RPS25: variants seen among roughly 807,000 people sequenced by gnomAD.
The protein encoded by RPS25 is small ribosomal subunit protein eS25.
A neutral mutation model predicts 14.4 loss-of-function variants in RPS25; 1 was observed. The ratio of observed to expected loss-of-function variants is 0.07; its 90% CI spans 0.02 to 0.33. RPS25 has a LOEUF of 0.33. RPS25 is among the 10% of genes least tolerant of loss of function. RPS25 has a pLI of 1.00. For missense variants in RPS25, 65 were observed against 144.6 expected (o/e 0.45, Z 2.82); for synonymous variants, 63 against 53.8 (o/e 1.17, Z -0.75).
chr11:119,018,322 C>G lies in RPS25; in HGVS notation c.-38G>C. The G allele has an allele frequency of 1.2e-6, 2 of 1,614,090 alleles. No individual in the cohort carries two copies. Among genetic ancestry groups the G allele is most frequent in the Non-Finnish European group, 1.7e-6 (2 of 1,180,008 alleles). On this transcript the variant is annotated 5_prime_UTR_variant, in exon 1 of 5. Coordinates refer to ENST00000527673, the MANE Select transcript of RPS25 (RefSeq NM_001028.3). ...AGAATAGCAGCAGACACCGCAGCCT[C>G]GTCAAGATGTCGGACAAAAAGGAAG...
chr11:119,015,747 A>G lies in RPS25; in HGVS notation c.*16T>C. 1 of 1,251,402 alleles carries G rather than the reference A, an allele frequency of 8.0e-7. No individual in the cohort carries two copies. Among genetic ancestry groups the G allele is most frequent in the Non-Finnish European group, 1.2e-6 (1 of 867,012 alleles). The allele number at this position is 1,251,402 out of a possible 1,614,324, so 77.5% of individuals were successfully genotyped here. A position where few individuals can be genotyped will look rare whatever the true frequency, so the allele number is the denominator to read the frequency against. ...TAAAGTTTTATTTTTCCAAATGTAC[A>G]GCTGGTTGGACCTGTAAAAAAAAAT... On this transcript the variant is annotated 3_prime_UTR_variant, in exon 5 of 5. Coordinates refer to ENST00000527673, the MANE Select transcript of RPS25 (RefSeq NM_001028.3).
intron 3 of RPS25, among the ~76,000 whole-genome samples, chr11:119,016,922 T>C (rs1359304041): frequency 6.6e-6 from 1 of 152,104 alleles, no homozygotes; most frequent in Non-Finnish European, 1.5e-5. Context: ...TATAGTTAGC[T>C]GAGCCTTATT....
chr11:119,016,629 C>T (rs578201587), intron 3 of RPS25, among the ~76,000 whole-genome samples: 9 of 146,070 alleles, frequency 6.2e-5, no homozygotes, highest in African/African-American at 2.2e-4. Context: ...GCTCCATTAT[C>T]TTCCACCCCC....
In RPS25 at chr11:119,015,953, A is replaced by T. The variant is rs781968974; in HGVS notation, c.284-14T>A. 6.7e-7 allele frequency: 1 copy of T among 1,487,862 alleles called. No homozygotes were observed. Among genetic ancestry groups the T allele is most frequent in the South Asian group, 1.1e-5 (1 of 88,518 alleles). The allele number at this position is 1,487,862 out of a possible 1,614,324, so 92.2% of individuals were successfully genotyped here. A position where few individuals can be genotyped will look rare whatever the true frequency, so the allele number is the denominator to read the frequency against. ...GTTTGATAAGTCCTAGGGGGAGAGA[A>T]TAGCACGATGAGATGCTTAACAGAT... On this transcript the variant is annotated splice_polypyrimidine_tract_variant and intron_variant, in intron 3 of 4. Transcript: ENST00000527673.
chr11:119,017,230 A>G (rs1943184672), intron 3 of RPS25, 132 bp downstream of exon 3: 1 of 645,800 alleles, frequency 1.5e-6, no homozygotes, highest in East Asian at 2.9e-5. Flanking sequence ...TCAGAATTAC[A>G]TTACTAACAG....
intron 3 of RPS25, among the ~76,000 whole-genome samples, 185 bp downstream of exon 3, chr11:119,017,177 G>T (rs3916581): frequency 0.22 from 34,138 of 151,902 alleles, 4,022 homozygotes; most frequent in South Asian, 0.33. Context: ...CACAAAAGTG[G>T]CTAAGAACCC....
At chr11:119,017,877 C>T (rs1374626935) in intron 2 of RPS25, 81 bp downstream of exon 2, 6 of 1,120,328 alleles carry the variant, frequency 5.4e-6, no homozygotes, top group Admixed American at 3.7e-5. Flanking sequence ...CCTGAAAAAC[C>T]ACTTACTATA....
intron 3 of RPS25, among the ~76,000 whole-genome samples, 166 bp downstream of exon 3, chr11:119,017,196 C>T (rs1375868411): frequency 6.6e-6 from 1 of 152,164 alleles, no homozygotes; most frequent in Non-Finnish European, 1.5e-5. Context: ...CCTGAGAATT[C>T]ATCTCAGGAT....
Position 119,017,555 on chromosome 11 carries a change from A to G in RPS25, c.100-10T>C. The G allele has an allele frequency of 4.4e-6, 7 of 1,608,862 alleles. No homozygotes were observed. The highest frequency in any genetic ancestry group is 5.9e-6 in the Non-Finnish European group (7 of 1,176,536). On this transcript the variant is annotated splice_polypyrimidine_tract_variant and intron_variant, in intron 2 of 4. Transcript: ENST00000527673. Reference sequence around the variant, plus strand: ...TGCCTTTGGACCACTTCTGCTCACCAAAACAAAACAGAAACAAGTTAGTAT... The same window carrying G: ...TGCCTTTGGACCACTTCTGCTCACCGAAACAAAACAGAAACAAGTTAGTAT...
chr11:119,017,463 T>C lies in RPS25; in HGVS notation c.182A>G (p.Glu61Gly), dbSNP rs901128269. Residue 61 changes from glutamate to glycine, a missense_variant, in exon 3 of 5, where the codon GAA (glutamate) becomes GGA (glycine). By Grantham distance (98) the Glu-to-Gly change is moderately conservative. Coordinates refer to ENST00000527673, the MANE Select transcript of RPS25 (RefSeq NM_001028.3). ...GGTTATAAGTTTATAGTTGGGAACT[T>C]CCTTACAGAGTTTATCATAGGTAGC... ...DKATYDKLCK[E>G]VPNYKLITPA... 1.2e-5 allele frequency: 19 copies of C among 1,613,990 alleles called. No homozygotes were observed. The highest frequency in any genetic ancestry group is 2.7e-5 in the African/African-American group (2 of 74,908).
rs782700099 is a variant in RPS25 at position 119,018,329 on chromosome 11, A to C, written c.-45T>G. On this transcript the variant is annotated 5_prime_UTR_variant, in exon 1 of 5. Transcript: ENST00000527673. ...CAGCAGACACCGCAGCCTCGTCAAGATGTCGGACAAAAAGGAAGCGCTGCT... is the reference window on the plus strand; with the variant it reads ...CAGCAGACACCGCAGCCTCGTCAAGCTGTCGGACAAAAAGGAAGCGCTGCT... 4.3e-6 allele frequency: 7 copies of C among 1,613,848 alleles called. No individual in the cohort carries two copies. In the Admixed American group the frequency reaches 5.0e-5, roughly 12 times the overall value.
chr11:119,018,096 G>C (rs1375487580), intron 1 of RPS25, 43 bp from the exon 2 acceptor site: 1 of 1,590,188 alleles, frequency 6.3e-7, no homozygotes, highest in East Asian at 2.2e-5. Flanking sequence ...CTCAAATAGC[G>C]CCAAAGTCCC....
chr11:119,016,017 G>T, intron 3 of RPS25, 78 bp from the exon 4 acceptor site: 1 of 885,374 alleles, frequency 1.1e-6, no homozygotes, highest in African/African-American at 1.6e-5. Context: ...GCTGGGCGCG[G>T]TGGCTCATGC....
At chr11:119,016,132 AC>A (rs1414369427) in intron 3 of RPS25, among the ~76,000 whole-genome samples, 193 bp from the exon 4 acceptor site, 1 of 152,168 alleles carries the variant, frequency 6.6e-6, no homozygotes, top group Non-Finnish European at 1.5e-5. Context: ...TACCAAAAAT[AC>A]AAAAATTAGC....
chr11:119,018,343 G>C lies in RPS25; in HGVS notation c.-59C>G, dbSNP rs552955250. 2.5e-6 allele frequency: 4 copies of C among 1,613,044 alleles called. No homozygotes were observed. The highest frequency in any genetic ancestry group is 2.2e-5 in the East Asian group (1 of 44,864). On this transcript the variant is annotated 5_prime_UTR_variant, in exon 1 of 5. Transcript: ENST00000527673. ...GCCTCGTCAAGATGTCGGACAAAAA[G>C]GAAGCGCTGCTCAGAAACGGGCCCA... is the stretch of plus-strand genomic sequence containing the variant.
At chr11:119,018,163 A>G (rs988270989) in intron 1 of RPS25, 110 bp from the exon 2 acceptor site, 40 of 1,575,720 alleles carry the variant, frequency 2.5e-5, no homozygotes, top group Middle Eastern at 3.4e-4. Context: ...TGGGCCAAGC[A>G]ATAACCGCGC....
Position 119,017,879 on chromosome 11 carries a change from C to CTTACTATACAAGTTACCTA in RPS25, c.99+60_99+78dup, listed in dbSNP as rs1444619367. 18 of 1,144,894 alleles carry CTTACTATACAAGTTACCTA rather than the reference C, an allele frequency of 1.6e-5. No homozygotes were observed. The East Asian group carries it at 4.2e-4, about 27-fold the overall frequency. The allele number at this position is 1,144,894 out of a possible 1,614,324, so 70.9% of individuals were successfully genotyped here. On this transcript the variant is annotated intron_variant, in intron 2 of 4. Coordinates refer to ENST00000527673, the MANE Select transcript of RPS25 (RefSeq NM_001028.3). ...CTAGAAATCTACACCTGAAAAACCA[C>CTTACTATACAAGTTACCTA]TTACTATACAAGTTACCTATTACTA...
chr11:119,018,275 A>G lies in RPS25; in HGVS notation c.3+7T>C. 3.1e-6 allele frequency: 5 copies of G among 1,614,118 alleles called. 1 individual carries two copies. The South Asian group carries it at 3.3e-5, about 11-fold the overall frequency. ...AACGCCGGCGACTTCACACCCCTGAAGCTTACCATTGCGAAGCTCGGAGAA... is the reference window on the plus strand; with the variant it reads ...AACGCCGGCGACTTCACACCCCTGAGGCTTACCATTGCGAAGCTCGGAGAA... On this transcript the variant is annotated splice_region_variant and intron_variant, in intron 1 of 4. Coordinates refer to ENST00000527673, the MANE Select transcript of RPS25 (RefSeq NM_001028.3).
At position 119,017,402 on chromosome 11, in the gene RPS25, G is replaced by A; in HGVS notation, c.243C>T (p.Gly81=). ...CCTGAAGGGCTGCCCTGGCCAGGGA[G>A]CCTCGAATCTTCAGTCTCTCAGAGA... The part of the protein sequence containing the change: ...AVVSERLKIR[G]SLARAALQEL... The change falls in exon 3 of 5, where the codon GGC becomes GGT. Residue 81 remains glycine (G), a synonymous_variant. Transcript: ENST00000527673. 1.2e-6 allele frequency: 2 copies of A among 1,614,066 alleles called. No homozygotes were observed. Among genetic ancestry groups the A allele is most frequent in the Non-Finnish European group, 1.7e-6 (2 of 1,179,924 alleles).
Sources: gnomAD v4.1 joint callset for allele counts (sites outside exome capture counted in the v4.1 genomes callset) on GRCh38, gnomAD v4.1.1 for gene constraint, MANE v1.5 for transcripts, NCBI Gene and HGNC (gene_info 2026-07-23, HGNC 2026-07-21) for gene names.